Variants in DDAH1 observed in about 807,000 individuals in gnomAD.
DDAH1 encodes N(G),N(G)-dimethylarginine dimethylaminohydrolase 1.
DDAH1 carries 19 observed loss-of-function variants against 28.8 expected under a neutral mutation model. The observed-to-expected ratio is 0.66, with a 90% CI of 0.46 to 0.97. DDAH1 has a LOEUF of 0.97. Ranked by LOEUF, DDAH1 falls within the 50% of genes least tolerant of loss-of-function variation. The pLI is 0.00. For synonymous variants in DDAH1, 153 were observed against 154.4 expected (o/e 0.99, Z 0.07); for missense variants, 326 against 375.9 (o/e 0.87, Z 1.10).
intron 1 of DDAH1, among the ~76,000 whole-genome samples, chr1:85,529,268 T>C (rs1657995661): frequency 6.6e-6 from 1 of 152,160 alleles, no homozygotes; most frequent in Non-Finnish European, 1.5e-5. Context: ...ACCCAGTAGA[T>C]CCCATGTATT....
chr1:85,551,669 T>C (rs1466114719), intron 1 of DDAH1, among the ~76,000 whole-genome samples: 2 of 152,144 alleles, frequency 1.3e-5, no homozygotes, highest in African/African-American at 4.8e-5. Flanking sequence ...AAAATAAACA[T>C]GAAATACACA....
At chr1:85,560,896 G>T (rs1335323431) in intron 1 of DDAH1, among the ~76,000 whole-genome samples, 2 of 151,620 alleles carry the variant, frequency 1.3e-5, no homozygotes, top group African/African-American at 4.8e-5. Flanking sequence ...TACATTTTTT[G>T]ATGGAAAGTA....
chr1:85,369,306 G>T (rs1020937163), intron 1 of DDAH1, among the ~76,000 whole-genome samples: 2 of 150,362 alleles, frequency 1.3e-5, no homozygotes, highest in African/African-American at 2.5e-5. Context: ...CTGGCCCCTA[G>T]TTGACTCTCT....
At chr1:85,333,416 CA>C (rs931967634) in intron 4 of DDAH1, among the ~76,000 whole-genome samples, 4 of 151,824 alleles carry the variant, frequency 2.6e-5, no homozygotes, top group Non-Finnish European at 4.4e-5. Context: ...CACAGAAATA[CA>C]AAAAAGCAAG....
chr1:85,378,786 C>CAAAA (rs1414963560), intron 1 of DDAH1, among the ~76,000 whole-genome samples: 6 of 152,152 alleles, frequency 3.9e-5, no homozygotes, highest in African/African-American at 1.4e-4. Context: ...AAGTAAGCAT[C>CAAAA]CAGACAGCTG....
intron 1 of DDAH1, among the ~76,000 whole-genome samples, chr1:85,511,625 A>G (rs1657236940): frequency 6.6e-6 from 1 of 152,194 alleles, no homozygotes; most frequent in South Asian, 2.1e-4. Flanking sequence ...AGAAGAAACG[A>G]GAGAAGAATC....
intron 1 of DDAH1, among the ~76,000 whole-genome samples, chr1:85,394,574 T>C (rs1651714114): frequency 6.6e-6 from 1 of 152,194 alleles, no homozygotes; most frequent in Admixed American, 6.5e-5. Context: ...AATAAAACAG[T>C]GTGTCTTCTG....
At chr1:85,473,046 G>A (rs72724648) in intron 2 of DDAH1, among the ~76,000 whole-genome samples, 3,496 of 152,270 alleles carry the variant, frequency 0.023, 46 homozygotes, top group Non-Finnish European at 0.033. Flanking sequence ...TGTTGCAAAG[G>A]AAATGATTGC....
At chr1:85,418,021 C>T (rs1652962386) in intron 1 of DDAH1, among the ~76,000 whole-genome samples, 1 of 152,322 alleles carries the variant, frequency 6.6e-6, no homozygotes, top group Admixed American at 6.5e-5. Context: ...GATAAGCTTT[C>T]AGACAGTTTG....
At chr1:85,379,218 C>CTT (rs1430555027) in intron 1 of DDAH1, among the ~76,000 whole-genome samples, 1 of 152,194 alleles carries the variant, frequency 6.6e-6, no homozygotes, top group East Asian at 1.9e-4. Flanking sequence ...AACTGAACCT[C>CTT]TTGTTAAAAG....
At position 85,350,445 on chromosome 1, in the gene DDAH1, C is replaced by T. The variant is rs1649134265; in HGVS notation, c.567G>A (p.Gly189=). Residue 189 remains glycine, a synonymous_variant, in exon 4 of 6, where the codon GGG becomes GGA. Transcript: ENST00000284031. The part of the protein sequence containing the change: ...SMAGPNLIAI[G]SSESAQKALK... ...GGGCCTTCTGTGCAGATTCACTAGA[C>T]CCAATTGCGATCAGGTTAGGCCCAG... The T allele has an allele frequency of 1.9e-6, 3 of 1,613,948 alleles. No individual in the cohort carries two copies. In the African/African-American group the frequency reaches 4.0e-5, roughly 22 times the overall value.
At chr1:85,404,405 C>T (rs1274598741) in intron 1 of DDAH1, 3 of 1,534,938 alleles carry the variant, frequency 2.0e-6, no homozygotes, top group African/African-American at 1.4e-5. Flanking sequence ...ATCAAATTGC[C>T]ATCCAGAACT....
intron 1 of DDAH1, among the ~76,000 whole-genome samples, chr1:85,443,202 T>C (rs886269979): frequency 3.9e-5 from 6 of 152,210 alleles, no homozygotes; most frequent in African/African-American, 1.4e-4. Context: ...TTAATTTTTG[T>C]ATGAGGTGTA....
chr1:85,418,757 T>A (rs1652996249), intron 1 of DDAH1, among the ~76,000 whole-genome samples: 1 of 152,238 alleles, frequency 6.6e-6, no homozygotes, highest in Non-Finnish European at 1.5e-5. Context: ...ATATCCCTGC[T>A]TTCCCATCCA....
At chr1:85,496,977 G>T (rs540327109) in intron 1 of DDAH1, among the ~76,000 whole-genome samples, 1 of 152,144 alleles carries the variant, frequency 6.6e-6, no homozygotes, top group African/African-American at 2.4e-5. Flanking sequence ...AGGAACAAAG[G>T]CTATTTACAG....
chr1:85,534,487 A>G (rs1471090170), intron 1 of DDAH1, among the ~76,000 whole-genome samples: 3 of 152,198 alleles, frequency 2.0e-5, no homozygotes, highest in African/African-American at 7.2e-5. Context: ...ATATAACTAT[A>G]AAAGAAAAGA....
At chr1:85,468,511 G>A (rs560793140), upstream of DDAH1, among the ~76,000 whole-genome samples, 4 of 150,634 alleles carry the variant, frequency 2.7e-5, no homozygotes, top group Admixed American at 1.3e-4. Flanking sequence ...GCTTGTGTAG[G>A]GGAACTCTCC....
At chr1:85,388,942 GA>G (rs1429551579) in intron 1 of DDAH1, among the ~76,000 whole-genome samples, 3 of 152,164 alleles carry the variant, frequency 2.0e-5, no homozygotes, top group African/African-American at 7.2e-5. Context: ...CACAGGTTTT[GA>G]AATTAAACAA....
intron 1 of DDAH1, among the ~76,000 whole-genome samples, chr1:85,375,114 C>T (rs1008681677): frequency 4.6e-5 from 7 of 152,040 alleles, no homozygotes; most frequent in African/African-American, 1.7e-4. Flanking sequence ...CATGAATCAA[C>T]CAGAGATAGA....
Sources: allele counts gnomAD v4.1 joint callset (sites outside exome capture counted in the v4.1 genomes callset), GRCh38; gene constraint gnomAD v4.1.1; transcripts MANE v1.5; gene names NCBI Gene and HGNC (gene_info 2026-07-23, HGNC 2026-07-21).